Variants in RNASEH2B observed in about 807,000 individuals in gnomAD.
RNASEH2B encodes the protein ribonuclease H2 subunit B, also known as Aicardi-Goutieres syndrome 2 protein.
A neutral mutation model predicts 45.0 loss-of-function variants in RNASEH2B; 36 were observed. That is an observed-to-expected ratio of 0.80 (90% confidence interval 0.61 to 1.06). RNASEH2B has a LOEUF of 1.06. Ranked by LOEUF, RNASEH2B falls within the 50% of genes least tolerant of loss-of-function variation. The probability of loss-of-function intolerance (pLI) is 0.00; values close to 1 mark genes in which losing one functional copy is unlikely to be tolerated. For missense variants in RNASEH2B, 361 were observed against 360.3 expected (o/e 1.00, Z -0.02); for synonymous variants, 119 against 125.7 (o/e 0.95, Z 0.35).
Position 50,910,141 on chromosome 13 carries a change from GTAAAC to G in RNASEH2B, c.64+2_64+6del, listed in dbSNP as rs1382321491. On this transcript the variant is annotated splice_donor_variant and splice_donor_5th_base_variant and intron_variant, in intron 1 of 10. Transcript: ENST00000336617. LOFTEE classifies it high-confidence loss of function. ...CGGCAGCACGTGTTCCTGGTTTCAG[GTAAAC>G]ACGCGCGCCCGGGCGGCGGGGTCGG... 7 of 1,436,110 alleles carry G rather than the reference GTAAAC, an allele frequency of 4.9e-6. No individual in the cohort carries two copies. The highest frequency in any genetic ancestry group is 6.4e-6 in the Non-Finnish European group (7 of 1,094,264). The allele number at this position is 1,436,110 out of a possible 1,614,324, so 89.0% of individuals were successfully genotyped here.
At chr13:50,929,647 CGTG>C (rs530420318) in intron 3 of RNASEH2B, 65 bp downstream of exon 3, 3 of 1,058,904 alleles carry the variant, frequency 2.8e-6, no homozygotes, top group Non-Finnish European at 4.4e-6. Flanking sequence ...ATTCTTCACA[CGTG>C]GGGTTGTGGG....
chr13:50,941,106 G>T (rs1951828014), intron 5 of RNASEH2B: 1 of 152,196 alleles, frequency 6.6e-6, no homozygotes, highest in South Asian at 2.1e-4. Flanking sequence ...GCCTAGCACA[G>T]ACCTGAATAA....
intron 1 of RNASEH2B, among the ~76,000 whole-genome samples, chr13:50,913,972 G>T (rs1186909721): frequency 6.6e-6 from 1 of 151,218 alleles, no homozygotes; most frequent in Non-Finnish European, 1.5e-5. Context: ...AATTTAAAAG[G>T]AAAAACTAAT....
At chr13:50,927,041 A>G (rs1215431461) in intron 1 of RNASEH2B, 1 of 242,018 alleles carries the variant, frequency 4.1e-6, no homozygotes, top group African/African-American at 2.3e-5. Flanking sequence ...CTAATTTGAT[A>G]CTTTGAAAAA....
intron 1 of RNASEH2B, among the ~76,000 whole-genome samples, chr13:50,920,613 C>T (rs1344108380): frequency 6.6e-6 from 1 of 152,048 alleles, no homozygotes; most frequent in Non-Finnish European, 1.5e-5. Flanking sequence ...GCCAGCATGA[C>T]TTATGTCATC....
chr13:50,928,814 A>C (rs1951636537), intron 2 of RNASEH2B, among the ~76,000 whole-genome samples: 1 of 152,162 alleles, frequency 6.6e-6, no homozygotes, highest in Non-Finnish European at 1.5e-5. Context: ...GATAGAGTTA[A>C]AGTCAGCATC....
At chr13:50,954,363 C>A (rs1952017434) in intron 10 of RNASEH2B, 2 of 404,186 alleles carry the variant, frequency 4.9e-6, no homozygotes, top group African/African-American at 2.0e-5. Flanking sequence ...TTCACCCTGG[C>A]AAATGGCATT....
Position 50,909,996 on chromosome 13 carries a change from C to T in RNASEH2B, c.-81C>T. 1 of 1,280,850 alleles carries T rather than the reference C, an allele frequency of 7.8e-7. No individual in the cohort carries two copies. The highest frequency in any genetic ancestry group is 1.1e-6 in the Non-Finnish European group (1 of 948,132). 79.3% of individuals were successfully genotyped at this position (1,280,850 alleles called of 1,614,324 possible). On this transcript the variant is annotated 5_prime_UTR_variant, in exon 1 of 11. Transcript: ENST00000336617. ...CGCGCCGCGCCACCCGGAACAGACC[C>T]TTCTCCCGCCATTTTCGGCGGGGCT...
chr13:50,934,881 T>A lies in RNASEH2B; in HGVS notation c.322-4T>A, dbSNP rs1206184671. On this transcript the variant is annotated splice_region_variant and splice_polypyrimidine_tract_variant and intron_variant, in intron 4 of 10. Coordinates refer to ENST00000336617, the MANE Select transcript of RNASEH2B (RefSeq NM_024570.4). Reference sequence around the variant, plus strand: ...GCTTGCTTTCCAACTAACTGTTTTTTCAGGGGAAGTTTCAGCCCCTTGATC... The same window carrying A: ...GCTTGCTTTCCAACTAACTGTTTTTACAGGGGAAGTTTCAGCCCCTTGATC... The A allele has an allele frequency of 6.3e-7, 1 of 1,597,644 alleles. No individual in the cohort carries two copies. Among genetic ancestry groups the A allele is most frequent in the East Asian group, 2.2e-5 (1 of 44,742 alleles).
At chr13:50,926,082 T>TTTG (rs145991274) in intron 1 of RNASEH2B, among the ~76,000 whole-genome samples, 2 of 152,058 alleles carry the variant, frequency 1.3e-5, no homozygotes, top group South Asian at 4.1e-4. Context: ...TTTGTGGGTT[T>TTTG]TTGTTGTTGT....
At chr13:50,954,453 G>A (rs1231482667) in intron 10 of RNASEH2B, 6 of 181,316 alleles carry the variant, frequency 3.3e-5, no homozygotes, top group African/African-American at 1.2e-4. Flanking sequence ...ATAATACTCA[G>A]TTCTGGGCTT....
chr13:50,935,282 GC>G, intron 5 of RNASEH2B: 1 of 426,924 alleles, frequency 2.3e-6, no homozygotes, highest in South Asian at 2.8e-5. Flanking sequence ...GTGACATCAG[GC>G]AAGTCACTCA....
chr13:50,961,525 A>G (rs1952110698), downstream of RNASEH2B, among the ~76,000 whole-genome samples: 1 of 152,120 alleles, frequency 6.6e-6, no homozygotes, highest in East Asian at 1.9e-4. Flanking sequence ...GTATGTTTCT[A>G]TCATTCTTTA....
intron 1 of RNASEH2B, 70 bp downstream of exon 1, chr13:50,910,210 C>T: frequency 1.7e-6 from 2 of 1,152,560 alleles, no homozygotes; most frequent in Non-Finnish European, 1.1e-6. Flanking sequence ...CCCGGGCGCG[C>T]CGCCCCCCAC....
chr13:50,920,647 A>G (rs1472814558), intron 1 of RNASEH2B, among the ~76,000 whole-genome samples: 1 of 152,246 alleles, frequency 6.6e-6, no homozygotes, highest in Non-Finnish European at 1.5e-5. Context: ...AAAAGAGTAA[A>G]AAAGACAAAG....
At chr13:50,958,239 C>T (rs182266942), downstream of RNASEH2B, among the ~76,000 whole-genome samples, 223 of 152,248 alleles carry the variant, frequency 1.5e-3, 1 homozygote, top group Middle Eastern at 0.01. Flanking sequence ...ACAGTTAATT[C>T]TTTAATCCAT....
chr13:50,967,545 T>C (rs1952177860), intron 9 of RNASEH2B, among the ~76,000 whole-genome samples: 1 of 152,200 alleles, frequency 6.6e-6, no homozygotes, highest in Non-Finnish European at 1.5e-5. Context: ...GGTCAGCTCA[T>C]TTCCCCAACA....
intron 7 of RNASEH2B, among the ~76,000 whole-genome samples, chr13:50,946,582 G>A (rs1276647246): frequency 2.6e-5 from 4 of 152,240 alleles, no homozygotes; most frequent in Admixed American, 2.6e-4. Context: ...TGGATGGATG[G>A]ATGGAACCAT....
chr13:50,967,346 C>T (rs1166931818), intron 9 of RNASEH2B, among the ~76,000 whole-genome samples: 1 of 152,098 alleles, frequency 6.6e-6, no homozygotes, highest in East Asian at 1.9e-4. Flanking sequence ...CTTCATTTTT[C>T]AAAGATTATT....
Sources: allele counts gnomAD v4.1 joint callset (sites outside exome capture counted in the v4.1 genomes callset), GRCh38; gene constraint gnomAD v4.1.1; transcripts MANE v1.5; gene names NCBI Gene and HGNC (gene_info 2026-07-23, HGNC 2026-07-21).